The following WASL variants were observed in gnomAD, a reference collection of about 807,000 sequenced individuals.
WASL encodes the protein actin nucleation-promoting factor WASL.
A neutral mutation model predicts 55.5 loss-of-function variants in WASL; 20 were observed. That is an observed-to-expected ratio of 0.36 (90% confidence interval 0.25 to 0.52). The LOEUF (loss-of-function observed/expected upper bound fraction) is 0.52. Among genes scored for constraint, WASL ranks in the 20% least tolerant of loss-of-function variants. WASL has a pLI of 0.92. For missense variants in WASL, 504 were observed against 622.5 expected (o/e 0.81, Z 2.03); for synonymous variants, 249 against 217.6 (o/e 1.14, Z -1.27).
At chr7:123,724,388 T>C (rs1562963742) in intron 1 of WASL, among the ~76,000 whole-genome samples, 1 of 152,222 alleles carries the variant, frequency 6.6e-6, no homozygotes, top group African/African-American at 2.4e-5. Context: ...TCCATATATG[T>C]AGAGTTCAAA....
intron 1 of WASL, chr7:123,720,489 C>A: frequency 2.9e-6 from 1 of 346,062 alleles, no homozygotes; most frequent in South Asian, 2.5e-5. Context: ...AAATAACTTA[C>A]ATTTGCCTAT....
intron 5 of WASL, among the ~76,000 whole-genome samples, chr7:123,702,819 T>A (rs1386098072): frequency 6.6e-6 from 1 of 152,188 alleles, no homozygotes; most frequent in Non-Finnish European, 1.5e-5. Context: ...CAACGAAGTT[T>A]TGTATCCATG....
At chr7:123,725,129 T>C (rs1804020203) in intron 1 of WASL, among the ~76,000 whole-genome samples, 1 of 152,224 alleles carries the variant, frequency 6.6e-6, no homozygotes, top group Admixed American at 6.5e-5. Flanking sequence ...AGGCTGTAAG[T>C]CAGATGAGCA....
At chr7:123,694,905 T>C in intron 7 of WASL, 37 bp from the exon 8 acceptor site, 2 of 1,568,542 alleles carry the variant, frequency 1.3e-6, no homozygotes, top group Non-Finnish European at 8.6e-7. Context: ...TAAAAATATA[T>C]CCCAATTTAA....
Position 123,690,429 on chromosome 7 carries a change from T to C in WASL, c.1348-1279A>G, listed in dbSNP as rs1435361928. ...CAAAAAATTTAAAGAAACATAGCCA[T>C]AGAAATTTCAACCACAAAATGGTCT... On this transcript the variant is annotated intron_variant, in intron 9 of 10. Transcript: ENST00000223023. Among the ~76,000 whole-genome samples, 9 of 152,180 alleles carry C rather than the reference T, an allele frequency of 5.9e-5. No individual in the cohort carries two copies. The South Asian group carries it at 1.2e-3, about 21-fold the overall frequency.
chr7:123,748,971 G>A lies in WASL; in HGVS notation c.-237C>T, dbSNP rs892272557. ...GCACCCGCCCGGCCAGGCTAGGGCC[G>A]GATGGTCGTTGTCCTCGCACTCCGG... is the stretch of plus-strand genomic sequence containing the variant. On this transcript the variant is annotated 5_prime_UTR_variant, in exon 1 of 11. Transcript: ENST00000223023. The A allele has an allele frequency of 3.7e-6, 2 of 544,048 alleles. No homozygotes were observed. The highest frequency in any genetic ancestry group is 6.5e-6 in the Non-Finnish European group (2 of 309,334). The allele number at this position is 544,048 out of a possible 1,614,324, so 33.7% of individuals were successfully genotyped here.
chr7:123,684,545 C>CA lies in WASL; in HGVS notation c.1491dup (p.Glu498Ter). ...CAGTCTTCCCACTCATCATCATCCTCAAAATCTTCTTCATCATCTTCATCT... is the reference window on the plus strand; with the variant it reads ...CAGTCTTCCCACTCATCATCATCCTCAAAAATCTTCTTCATCATCTTCATCT... On this transcript the variant is annotated frameshift_variant, in exon 11 of 11. Transcript: ENST00000223023. LOFTEE classifies it high-confidence loss of function. 1 of 1,337,948 alleles carries CA rather than the reference C, an allele frequency of 7.5e-7. No homozygotes were observed. The highest frequency in any genetic ancestry group is 1.0e-6 in the Non-Finnish European group (1 of 960,058). 82.9% of individuals were successfully genotyped at this position (1,337,948 alleles called of 1,614,324 possible).
Position 123,709,049 on chromosome 7 carries a change from C to T in WASL, c.252+40G>A, listed in dbSNP as rs760382094. On this transcript the variant is annotated intron_variant, in intron 2 of 10. Coordinates refer to ENST00000223023, the MANE Select transcript of WASL (RefSeq NM_003941.4). ...CTAAATTATAATTGATATAGAAAAC[C>T]TAATCACCTAGTTTAAAGTGAAAGC... 22 of 1,536,022 alleles carry T rather than the reference C, an allele frequency of 1.4e-5. No individual in the cohort carries two copies. In the Admixed American group the frequency reaches 4.2e-4, roughly 29 times the overall value.
chr7:123,744,212 T>C (rs1171418409), intron 1 of WASL, among the ~76,000 whole-genome samples: 1 of 152,184 alleles, frequency 6.6e-6, no homozygotes. Context: ...CCACCTATAT[T>C]AGTTCAGCAG....
intron 5 of WASL, among the ~76,000 whole-genome samples, chr7:123,700,303 T>C (rs1300814171): frequency 2.0e-5 from 3 of 151,570 alleles, no homozygotes; most frequent in Non-Finnish European, 2.9e-5. Flanking sequence ...CTTTTCAAAA[T>C]TGCCTTTCAT....
intron 7 of WASL, 105 bp from the exon 8 acceptor site, chr7:123,694,973 A>G: frequency 6.0e-6 from 7 of 1,172,518 alleles, no homozygotes; most frequent in Non-Finnish European, 7.2e-6. Flanking sequence ...CTAAACTTTT[A>G]ACATGCTTAT....
chr7:123,692,736 C>G lies in WASL; in HGVS notation c.958G>C (p.Ala320Pro). 1 of 1,510,194 alleles carries G rather than the reference C, an allele frequency of 6.6e-7. No homozygotes were observed. Among genetic ancestry groups the G allele is most frequent in the South Asian group, 1.4e-5 (1 of 72,676 alleles). The allele number at this position is 1,510,194 out of a possible 1,614,324, so 93.5% of individuals were successfully genotyped here. A position where few individuals can be genotyped will look rare whatever the true frequency, so the allele number is the denominator to read the frequency against. The change falls in exon 9 of 11, where the codon GCT becomes CCT. Residue 320 changes from alanine to proline, a missense_variant. Physicochemically the swap from Ala to Pro is conservative, Grantham distance 27. Coordinates refer to ENST00000223023, the MANE Select transcript of WASL (RefSeq NM_003941.4). ...PPPPPSRAPTAAPPPPPPSRP... is the reference protein window; with the variant it reads ...PPPPPSRAPTPAPPPPPPSRP... ...GAAGGAGGCGGTGGTGGAGGTGCAG[C>G]TGTGGGAGCTCTTGAAGGTGGTGGG...
chr7:123,724,512 G>A (rs538237012), intron 1 of WASL, among the ~76,000 whole-genome samples: 1 of 152,188 alleles, frequency 6.6e-6, no homozygotes, highest in African/African-American at 2.4e-5. Context: ...TGACTTATAA[G>A]TTCCCATGTA....
chr7:123,689,977 A>C (rs1242364970), intron 9 of WASL, among the ~76,000 whole-genome samples: 1 of 152,142 alleles, frequency 6.6e-6, no homozygotes, highest in Non-Finnish European at 1.5e-5. Flanking sequence ...TGGAGTAAAC[A>C]CCTTTTTTAA....
In WASL at chr7:123,748,663, C is replaced by A; in HGVS notation, c.72G>T (p.Pro24=). The A allele has an allele frequency of 1.2e-6, 2 of 1,613,066 alleles. No individual in the cohort carries two copies. Among genetic ancestry groups the A allele is most frequent in the Non-Finnish European group, 1.7e-6 (2 of 1,179,562 alleles). Residue 24 remains proline, a synonymous_variant, in exon 1 of 11, where the codon CCG becomes CCT. Transcript: ENST00000223023. ...AAGTGAAGAGGGACTCGTTCTCCTG[C>A]GGGGTGAGCAACAGGGACCCCACGT... ...VTNVGSLLLT[P]QENESLFTFL...
chr7:123,706,464 A>G, intron 3 of WASL, 91 bp from the exon 4 acceptor site: 9 of 1,223,686 alleles, frequency 7.4e-6, no homozygotes, highest in Non-Finnish European at 1.0e-5. Context: ...GTATATTTCT[A>G]AAGAACGAAA....
At chr7:123,748,428 G>A (rs1238796789) in intron 1 of WASL, among the ~76,000 whole-genome samples, 190 bp downstream of exon 1, 1 of 151,846 alleles carries the variant, frequency 6.6e-6, no homozygotes, top group Non-Finnish European at 1.5e-5. Flanking sequence ...GGAAGGCGGC[G>A]CCCGACCGCC....
intron 1 of WASL, among the ~76,000 whole-genome samples, chr7:123,715,327 A>T (rs974797453): frequency 6.6e-6 from 1 of 152,174 alleles, no homozygotes; most frequent in Non-Finnish European, 1.5e-5. Context: ...CATAGAGAGC[A>T]AGGCCCTAGT....
intron 1 of WASL, among the ~76,000 whole-genome samples, chr7:123,735,611 A>T (rs1804214966): frequency 6.6e-6 from 1 of 152,268 alleles, no homozygotes; most frequent in African/African-American, 2.4e-5. Flanking sequence ...CGCAAATCAA[A>T]CTTCTAGAAA....
Sources: allele counts gnomAD v4.1 joint callset (sites outside exome capture counted in the v4.1 genomes callset), GRCh38; gene constraint gnomAD v4.1.1; transcripts MANE v1.5; gene names NCBI Gene and HGNC (gene_info 2026-07-23, HGNC 2026-07-21).